Variants in AKAP10 observed in about 807,000 individuals in gnomAD.
AKAP10 encodes A-kinase anchor protein 10, mitochondrial.
AKAP10 carries 24 observed loss-of-function variants against 80.8 expected under a neutral mutation model. The ratio of observed to expected loss-of-function variants is 0.30; its 90% CI spans 0.22 to 0.42. The LOEUF is 0.42. AKAP10 is among the 10% of genes least tolerant of loss of function. The probability of loss-of-function intolerance (pLI) is 1.00; values close to 1 mark genes in which losing one functional copy is unlikely to be tolerated. For synonymous variants in AKAP10, 291 were observed against 277.7 expected, an observed-to-expected ratio of 1.05 and a Z score of -0.48; for missense variants, 661 against 794.9, an observed-to-expected ratio of 0.83 and a Z score of 2.03.
intron 11 of AKAP10, among the ~76,000 whole-genome samples, chr17:19,921,959 A>C (rs2042822605): frequency 6.6e-6 from 1 of 152,214 alleles, no homozygotes; most frequent in Admixed American, 6.5e-5. Flanking sequence ...TGTGAATGAA[A>C]GTACAACGTA....
At chr17:19,945,296 A>G (rs2043091513) in intron 5 of AKAP10, among the ~76,000 whole-genome samples, 1 of 152,118 alleles carries the variant, frequency 6.6e-6, no homozygotes, top group African/African-American at 2.4e-5. Flanking sequence ...CTTTTTATCC[A>G]CACGCCAGTC....
intron 5 of AKAP10, among the ~76,000 whole-genome samples, chr17:19,946,235 TATTATA>T (rs2043112537): frequency 1.1e-4 from 2 of 17,640 alleles, no homozygotes; most frequent in South Asian, 1.8e-3. Flanking sequence ...TATATATATA[TATTATA>T]TATATATATA....
intron 11 of AKAP10, among the ~76,000 whole-genome samples, chr17:19,920,402 A>C (rs2042796856): frequency 6.6e-6 from 1 of 152,224 alleles, no homozygotes; most frequent in Non-Finnish European, 1.5e-5. Flanking sequence ...GAAAAAAGGC[A>C]CAAGAATAGC....
intron 8 of AKAP10, among the ~76,000 whole-genome samples, chr17:19,936,872 T>C (rs1469708043): frequency 6.6e-6 from 1 of 152,162 alleles, no homozygotes; most frequent in Non-Finnish European, 1.5e-5. Flanking sequence ...CACATCATCA[T>C]AACTACAAGG....
At chr17:19,976,027 TAAG>T (rs749224514) in intron 1 of AKAP10, among the ~76,000 whole-genome samples, 4 of 152,206 alleles carry the variant, frequency 2.6e-5, no homozygotes, top group Non-Finnish European at 4.4e-5. Context: ...TGTACCCACT[TAAG>T]AAGAAGTATT....
chr17:19,952,323 G>C (rs2043224808), intron 4 of AKAP10, among the ~76,000 whole-genome samples: 1 of 151,884 alleles, frequency 6.6e-6, no homozygotes, highest in Non-Finnish European at 1.5e-5. Context: ...AAATCAGCCA[G>C]GCATGGTGCG....
chr17:19,906,744 G>A (rs1487094980), intron 14 of AKAP10, among the ~76,000 whole-genome samples: 3 of 152,208 alleles, frequency 2.0e-5, no homozygotes, highest in Non-Finnish European at 4.4e-5. Context: ...GAATGTCCAA[G>A]TACATCCTAT....
chr17:19,909,855 AT>A lies in AKAP10; in HGVS notation c.1887+70del, dbSNP rs548983236. On this transcript the variant is annotated intron_variant, in intron 13 of 14. Transcript: ENST00000225737. ...AACATGGGACCTAAAGAAAAGGAAA[AT>A]TTTAAACCTCACTTACATGAGGGTG... 1.4e-4 allele frequency: 209 copies of A among 1,476,716 alleles called. 2 individuals carry two copies. The East Asian group carries it at 4.4e-3, about 31-fold the overall frequency. 91.5% of individuals were successfully genotyped at this position (1,476,716 alleles called of 1,614,324 possible). A position where few individuals can be genotyped will look rare whatever the true frequency, so the allele number is the denominator to read the frequency against.
chr17:19,964,900 A>AAAC (rs200205127), intron 2 of AKAP10, among the ~76,000 whole-genome samples: 2 of 152,318 alleles, frequency 1.3e-5, no homozygotes, highest in East Asian at 1.9e-4. Flanking sequence ...GTCTCAGAAA[A>AAAC]AACAACAACA....
At chr17:19,961,025 TAAAC>T (rs113388174) in intron 3 of AKAP10, among the ~76,000 whole-genome samples, 204 of 146,568 alleles carry the variant, frequency 1.4e-3, no homozygotes, top group Middle Eastern at 7.0e-3. Context: ...TACAAATAAA[TAAAC>T]AAACAAACAA....
At position 19,909,153 on chromosome 17, in the gene AKAP10, A is replaced by C. The variant is rs746048248; in HGVS notation, c.1983+28T>G. 2.2e-5 allele frequency: 35 copies of C among 1,556,156 alleles called. No homozygotes were observed. In the East Asian group the frequency reaches 8.0e-4, roughly 36 times the overall value. On this transcript the variant is annotated intron_variant, in intron 14 of 14. Coordinates refer to ENST00000225737, the MANE Select transcript of AKAP10 (RefSeq NM_007202.4). ...TTACACCTGGAAAATAATACTTTTTAGTTTACACAAAACGAAGTCATCCTT... is the reference window on the plus strand; with the variant it reads ...TTACACCTGGAAAATAATACTTTTTCGTTTACACAAAACGAAGTCATCCTT...
intron 1 of AKAP10, among the ~76,000 whole-genome samples, chr17:19,972,517 G>A (rs1345316473): frequency 3.9e-5 from 6 of 152,018 alleles, no homozygotes; most frequent in African/African-American, 1.2e-4. Flanking sequence ...GTGCAGTGGC[G>A]CGATCTCAGC....
chr17:19,940,830 T>G, intron 7 of AKAP10, 57 bp downstream of exon 7: 1 of 1,516,706 alleles, frequency 6.6e-7, no homozygotes, highest in South Asian at 1.4e-5. Context: ...GGCCCCAGCA[T>G]TGATAGTTAG....
chr17:19,971,116 G>C (rs1238333342), intron 1 of AKAP10, among the ~76,000 whole-genome samples: 2 of 151,852 alleles, frequency 1.3e-5, no homozygotes, highest in African/African-American at 4.8e-5. Flanking sequence ...CTCCCAAAGT[G>C]CTGGGATTAC....
chr17:19,945,881 TA>T (rs1332502943), intron 5 of AKAP10, among the ~76,000 whole-genome samples: 2 of 152,064 alleles, frequency 1.3e-5, no homozygotes, highest in Admixed American at 6.6e-5. Context: ...TATGAGAATG[TA>T]ATATTTATTG....
At chr17:19,955,727 C>T (rs1259967050) in intron 4 of AKAP10, among the ~76,000 whole-genome samples, 1 of 151,900 alleles carries the variant, frequency 6.6e-6, no homozygotes, top group East Asian at 1.9e-4. Flanking sequence ...CCCAGCTACT[C>T]AGGGGGCTGA....
At chr17:19,962,801 C>T (rs1330021045) in intron 3 of AKAP10, 39 bp downstream of exon 3, 1 of 1,577,922 alleles carries the variant, frequency 6.3e-7, no homozygotes, top group Non-Finnish European at 8.7e-7. Context: ...GTACTCAAAT[C>T]CTTCTAATAC....
chr17:19,958,531 T>C lies in AKAP10; in HGVS notation c.360A>G (p.Ser120=), dbSNP rs2043310150. 2 of 1,608,388 alleles carry C rather than the reference T, an allele frequency of 1.2e-6. No individual in the cohort carries two copies. Among genetic ancestry groups the C allele is most frequent in the Non-Finnish European group, 1.7e-6 (2 of 1,179,892 alleles). The change falls in exon 4 of 15, where the codon TCA becomes TCG. Residue 120 remains serine, a synonymous_variant. Transcript: ENST00000225737. Reference sequence around the variant, plus strand: ...CTTGTTCAAGGGTCTTAGAAAGGCTTGATTTGGTCTCTTGAGTCTGGTAGT... The same window carrying C: ...CTTGTTCAAGGGTCTTAGAAAGGCTCGATTTGGTCTCTTGAGTCTGGTAGT... ...CLDYQTQETK[S]SLSKTLEQVL... is the part of the protein sequence containing the mutation.
intron 3 of AKAP10, 133 bp downstream of exon 3, chr17:19,962,707 T>C (rs907645480): frequency 1.1e-6 from 1 of 899,666 alleles, no homozygotes; most frequent in Non-Finnish European, 1.7e-6. Flanking sequence ...CCATTATACT[T>C]GTAGCTGTTA....
Sources: allele counts gnomAD v4.1 joint callset (sites outside exome capture counted in the v4.1 genomes callset), GRCh38; gene constraint gnomAD v4.1.1; transcripts MANE v1.5; gene names NCBI Gene and HGNC (gene_info 2026-07-23, HGNC 2026-07-21).